The following WDR73 variants were observed in gnomAD, a reference collection of about 807,000 sequenced individuals.
The protein encoded by WDR73 is WD repeat domain 73, also known as integrator complex assembly factor WDR73.
In WDR73, 30 loss-of-function variants were observed where a neutral mutation model predicts 38.2. The observed-to-expected ratio is 0.79, with a 90% CI of 0.59 to 1.06. The LOEUF (loss-of-function observed/expected upper bound fraction) is 1.06, where lower values mean the gene tolerates loss of function less well. WDR73 is among the 50% of genes least tolerant of loss of function. The pLI is 0.00. For missense variants in WDR73, 487 were observed against 467.0 expected (o/e 1.04, Z -0.40); for synonymous variants, 197 against 176.0 (o/e 1.12, Z -0.94).
intron 5 of WDR73, 175 bp from the exon 6 acceptor site, chr15:84,646,523 C>T: frequency 1.1e-6 from 1 of 931,126 alleles, no homozygotes; most frequent in Non-Finnish European, 1.5e-6. Flanking sequence ...ATTTTTGAAA[C>T]CATCAGAAAC....
At position 84,646,541 on chromosome 15, in the gene WDR73, T is replaced by A. The variant is rs1718256714; in HGVS notation, c.353-193A>T. The A allele has an allele frequency of 5.9e-6, 5 of 844,616 alleles. No homozygotes were observed. The African/African-American group carries it at 8.5e-5, about 14-fold the overall frequency. 52.3% of individuals were successfully genotyped at this position (844,616 alleles called of 1,614,324 possible). A position where few individuals can be genotyped will look rare whatever the true frequency, so the allele number is the denominator to read the frequency against. On this transcript the variant is annotated intron_variant, in intron 5 of 7. Transcript: ENST00000434634. ...TTTGAAACCATCAGAAACATTTCAA[T>A]TTCTTTATTATTTGTCTTATAAACT...
At position 84,643,423 on chromosome 15, in the gene WDR73, C is replaced by T; in HGVS notation, c.*47G>A. 1.9e-6 allele frequency: 3 copies of T among 1,541,218 alleles called. No homozygotes were observed. Among genetic ancestry groups the T allele is most frequent in the Non-Finnish European group, 2.6e-6 (3 of 1,141,784 alleles). On this transcript the variant is annotated 3_prime_UTR_variant, in exon 8 of 8. Coordinates refer to ENST00000434634, the MANE Select transcript of WDR73 (RefSeq NM_032856.5). ...TCCTACATGAGCACCCTTGCTACTA[C>T]AGCAGCTCCTCCCCTTTCTAGAGGC...
At position 84,640,679 on chromosome 15, in the gene WDR73, G is replaced by C. The variant is rs1896231503; in HGVS notation, c.*2791C>G. 6.6e-6 allele frequency: 1 copy of C among 152,246 alleles called. No homozygotes were observed. The highest frequency in any genetic ancestry group is 1.5e-5 in the Non-Finnish European group (1 of 68,068). The allele number at this position is 152,246 out of a possible 1,614,324, so 9.4% of individuals were successfully genotyped here. ...CCACTGCATTCCAGCCTGGGCGACA[G>C]AGTGAGACCCAGACTCAGCTGAAAA... On this transcript the variant is annotated 3_prime_UTR_variant, in exon 8 of 8. Transcript: ENST00000434634.
chr15:84,647,357 G>C (rs751282938), intron 5 of WDR73: 1 of 159,864 alleles, frequency 6.3e-6, no homozygotes, highest in Non-Finnish European at 1.4e-5. Context: ...CCCTGCCTAG[G>C]GAGAGTAGTT....
At position 84,646,176 on chromosome 15, in the gene WDR73, C is replaced by T; in HGVS notation, c.517+8G>A. 1.2e-6 allele frequency: 2 copies of T among 1,613,396 alleles called. No homozygotes were observed. The highest frequency in any genetic ancestry group is 1.6e-4 in the Middle Eastern group (1 of 6,062). ...GAGCAGCAAGCAAGGGACAAAGTACCACGGTACCTGAGGTGTACGTGGTCT... is the reference window on the plus strand; with the variant it reads ...GAGCAGCAAGCAAGGGACAAAGTACTACGGTACCTGAGGTGTACGTGGTCT... On this transcript the variant is annotated splice_region_variant and intron_variant, in intron 6 of 7. Transcript: ENST00000434634.
rs781782119 is a variant in WDR73 at position 84,645,821 on chromosome 15, T to C, written c.533A>G (p.Glu178Gly). Residue 178 changes from glutamate (E) to glycine (G), a missense_variant, in exon 7 of 8, where the codon GAG (glutamate) becomes GGG (glycine). Physicochemically the swap from Glu to Gly is moderately conservative, Grantham distance 98. Coordinates refer to ENST00000434634, the MANE Select transcript of WDR73 (RefSeq NM_032856.5). ...TTYTSDVSDS[E>G]ELSSLQVLDA... ...TAGGACCTGCAGGCTACTCAGCTCC[T>C]CACTGTCACTGACATCTGGAAGACC... 5 of 1,613,662 alleles carry C rather than the reference T, an allele frequency of 3.1e-6. No homozygotes were observed. Among genetic ancestry groups the C allele is most frequent in the Non-Finnish European group, 4.2e-6 (5 of 1,179,826 alleles).
chr15:84,653,748 C>A (rs1896699624), intron 1 of WDR73, 49 bp from the exon 2 acceptor site: 1 of 1,429,942 alleles, frequency 7.0e-7, no homozygotes, highest in South Asian at 1.2e-5. Flanking sequence ...CTTCACAGCT[C>A]AAAGAACTCC....
intron 7 of WDR73, chr15:84,644,981 C>G (rs931368415): frequency 3.2e-5 from 5 of 154,080 alleles, no homozygotes; most frequent in African/African-American, 1.3e-4. Flanking sequence ...GAGACAGTCT[C>G]GCTCTGTTGC....
intron 1 of WDR73, 21 bp downstream of exon 1, chr15:84,654,213 T>G: frequency 6.2e-7 from 1 of 1,603,782 alleles, no homozygotes; most frequent in Non-Finnish European, 8.5e-7. Context: ...AGCTCCCATG[T>G]CCCAGCCCCG....
intron 3 of WDR73, among the ~76,000 whole-genome samples, chr15:84,648,834 TCTC>T (rs997782680): frequency 1.3e-5 from 2 of 152,080 alleles, no homozygotes; most frequent in African/African-American, 4.8e-5. Context: ...CCAAAACCCT[TCTC>T]CTAGCCTTTC....
chr15:84,654,092 C>G, intron 1 of WDR73, 142 bp downstream of exon 1: 2 of 1,102,494 alleles, frequency 1.8e-6, no homozygotes, highest in East Asian at 4.7e-5. Flanking sequence ...TAGGCCCAGG[C>G]GGAGTCCTCC....
Position 84,652,518 on chromosome 15 carries a change from C to T in WDR73, c.198+196G>A, listed in dbSNP as rs890245146. Among the ~76,000 whole-genome samples the T allele has an allele frequency of 1.3e-5, 2 of 152,196 alleles. 1 individual carries two copies. The highest frequency in any genetic ancestry group is 4.1e-4 in the South Asian group (2 of 4,836). ...TATAACTGACCTCCTCCTCTGATAGCCCTCTGTAAACCACGAGACATTCTA... is the reference window on the plus strand; with the variant it reads ...TATAACTGACCTCCTCCTCTGATAGTCCTCTGTAAACCACGAGACATTCTA... On this transcript the variant is annotated intron_variant, in intron 3 of 7. Coordinates refer to ENST00000434634, the MANE Select transcript of WDR73 (RefSeq NM_032856.5).
At position 84,643,031 on chromosome 15, in the gene WDR73, C is replaced by A; in HGVS notation, c.*439G>T. 5.7e-6 allele frequency: 1 copy of A among 175,486 alleles called. No homozygotes were observed. The highest frequency in any genetic ancestry group is 1.2e-5 in the Non-Finnish European group (1 of 82,012). The allele number at this position is 175,486 out of a possible 1,614,324, so 10.9% of individuals were successfully genotyped here. On this transcript the variant is annotated 3_prime_UTR_variant, in exon 8 of 8. Transcript: ENST00000434634. Reference sequence around the variant, plus strand: ...CACCTGTGTTCCCATGAGACCCACTCAAGAGGAGCAGAAATCCTGTTTTGC... The same window carrying A: ...CACCTGTGTTCCCATGAGACCCACTAAAGAGGAGCAGAAATCCTGTTTTGC...
chr15:84,646,629 CT>C (rs1160521288), intron 5 of WDR73: 1 of 315,476 alleles, frequency 3.2e-6, no homozygotes. Context: ...GCTTTTTATA[CT>C]TTTGTGGAGA....
In WDR73 at chr15:84,641,348, T is replaced by C. The variant is rs1365270293; in HGVS notation, c.*2122A>G. On this transcript the variant is annotated 3_prime_UTR_variant, in exon 8 of 8. Coordinates refer to ENST00000434634, the MANE Select transcript of WDR73 (RefSeq NM_032856.5). ...GGACAAGCCAGCACTGGTTAAGGGCTGAGGGGAACCAGGCACTCAGTGCAC... is the reference window on the plus strand; with the variant it reads ...GGACAAGCCAGCACTGGTTAAGGGCCGAGGGGAACCAGGCACTCAGTGCAC... 6.6e-6 allele frequency: 1 copy of C among 152,190 alleles called. No individual in the cohort carries two copies. Among genetic ancestry groups the C allele is most frequent in the African/African-American group, 2.4e-5 (1 of 41,450 alleles). 9.4% of individuals were successfully genotyped at this position (152,190 alleles called of 1,614,324 possible). A position where few individuals can be genotyped will look rare whatever the true frequency, so the allele number is the denominator to read the frequency against.
intron 4 of WDR73, 144 bp downstream of exon 4, chr15:84,648,393 A>G: frequency 4.6e-6 from 3 of 657,540 alleles, no homozygotes; most frequent in Non-Finnish European, 8.2e-6. Context: ...ATCTGTGTGT[A>G]TCTGTGTGCA....
At chr15:84,646,161 C>G (rs1341578762) in intron 6 of WDR73, 23 bp downstream of exon 6, 3 of 1,613,072 alleles carry the variant, frequency 1.9e-6, no homozygotes, top group Non-Finnish European at 2.5e-6. Flanking sequence ...GAGCAGCAAG[C>G]AAGGGACAAA....
At position 84,648,135 on chromosome 15, in the gene WDR73, A is replaced by G. The variant is rs1171924990; in HGVS notation, c.288-181T>C. ...GGAGCAGGCTCAATCAACTTTAGGG[A>G]GACTGAGCCCAAGCTTCCATGTGTC... On this transcript the variant is annotated intron_variant, in intron 4 of 7. Coordinates refer to ENST00000434634, the MANE Select transcript of WDR73 (RefSeq NM_032856.5). The G allele has an allele frequency of 4.7e-6, 3 of 634,708 alleles. No individual in the cohort carries two copies. In the African/African-American group the frequency reaches 5.4e-5, roughly 12 times the overall value. The allele number at this position is 634,708 out of a possible 1,614,324, so 39.3% of individuals were successfully genotyped here.
At position 84,648,558 on chromosome 15, in the gene WDR73, A is replaced by G; in HGVS notation, c.266T>C (p.Leu89Pro). ...ATACCTGGTATGTGGCACATGCTTT[A>G]GATCAAAGATAGACCTGTCTGAAAA... ...GGFSDRSIFDLKHVPHTRLLV... is the reference protein window; with the variant it reads ...GGFSDRSIFDPKHVPHTRLLV... The change falls in exon 4 of 8, where the codon CTA becomes CCA. Residue 89 changes from leucine (L) to proline (P), a missense_variant. Transcript: ENST00000434634. 6.2e-7 allele frequency: 1 copy of G among 1,613,838 alleles called. No homozygotes were observed. Among genetic ancestry groups the G allele is most frequent in the Non-Finnish European group, 8.5e-7 (1 of 1,179,728 alleles).
Sources: gnomAD v4.1 joint callset for allele counts (sites outside exome capture counted in the v4.1 genomes callset) on GRCh38, gnomAD v4.1.1 for gene constraint, MANE v1.5 for transcripts, NCBI Gene and HGNC (gene_info 2026-07-23, HGNC 2026-07-21) for gene names.